Variants in CA7 observed in about 807,000 individuals in gnomAD.
CA7 encodes carbonate dehydratase VII.
A neutral mutation model predicts 31.4 loss-of-function variants in CA7; 13 were observed. The ratio of observed to expected loss-of-function variants is 0.41; its 90% CI spans 0.27 to 0.66. The LOEUF is 0.66. Among genes scored for constraint, CA7 ranks in the 30% least tolerant of loss-of-function variants. The probability of loss-of-function intolerance (pLI) is 0.28; values close to 1 mark genes in which losing one functional copy is unlikely to be tolerated. For synonymous variants in CA7, 128 were observed against 133.2 expected, an observed-to-expected ratio of 0.96 and a Z score of 0.27; for missense variants, 215 against 351.0, an observed-to-expected ratio of 0.61 and a Z score of 3.10.
intron 2 of CA7, among the ~76,000 whole-genome samples, chr16:66,849,047 C>G (rs1960984613): frequency 6.6e-6 from 1 of 152,142 alleles, no homozygotes; most frequent in Admixed American, 6.5e-5. Context: ...AAAGCCCTAC[C>G]CTGGTCACCC....
chr16:66,846,135 C>T (rs1190128261), intron 1 of CA7, among the ~76,000 whole-genome samples: 1 of 151,908 alleles, frequency 6.6e-6, no homozygotes, highest in Admixed American at 6.6e-5. Context: ...GATGGATCCT[C>T]TGGGAGGCAG....
rs778815563 is a variant in CA7 at position 66,851,540 on chromosome 16, G to C, written c.435G>C (p.Val145=). ...EAASAPDGLA[V]VGVFLETGDE... is the part of the protein sequence containing the mutation. ...CCTCAGCACCTGATGGCCTGGCTGT[G>C]GTTGGTGTTTTTTTGGAGGTGAGTG... Residue 145 remains valine (V), a synonymous_variant, in exon 4 of 7, where the codon GTG becomes GTC. Coordinates refer to ENST00000338437, the MANE Select transcript of CA7 (RefSeq NM_005182.3). The C allele has an allele frequency of 6.2e-7, 1 of 1,614,158 alleles. No homozygotes were observed. Among genetic ancestry groups the C allele is most frequent in the Non-Finnish European group, 8.5e-7 (1 of 1,180,012 alleles).
intron 1 of CA7, among the ~76,000 whole-genome samples, chr16:66,846,450 T>A (rs1410604271): frequency 6.6e-6 from 1 of 152,198 alleles, no homozygotes; most frequent in Non-Finnish European, 1.5e-5. Context: ...CTGGGGGCAG[T>A]GCATGCACAT....
intron 2 of CA7, among the ~76,000 whole-genome samples, chr16:66,847,549 ACT>A (rs1317172191): frequency 1.3e-5 from 2 of 151,732 alleles, no homozygotes; most frequent in East Asian, 1.9e-4. Context: ...GTTTGTTTTC[ACT>A]CTCTGCCCCA....
In CA7 at chr16:66,851,558, G is replaced by A; in HGVS notation, c.453G>A (p.Glu151=). 6.2e-7 allele frequency: 1 copy of A among 1,614,058 alleles called. No individual in the cohort carries two copies. ...TGGCTGTGGTTGGTGTTTTTTTGGA[G>A]GTGAGTGGTGGTTTGCTGGGGCCTG... The part of the protein sequence containing the change: ...DGLAVVGVFL[E]TGDEHPSMNR... The change falls in exon 4 of 7, where the codon GAG becomes GAA. Residue 151 remains glutamate, a splice_region_variant and synonymous_variant. Coordinates refer to ENST00000338437, the MANE Select transcript of CA7 (RefSeq NM_005182.3).
At chr16:66,851,382 TG>T in intron 3 of CA7, 80 bp from the exon 4 acceptor site, 1 of 1,129,782 alleles carries the variant, frequency 8.9e-7, no homozygotes, top group Non-Finnish European at 1.4e-6. Context: ...GCCAGGGGTC[TG>T]GTGGGAGTGA....
intron 2 of CA7, among the ~76,000 whole-genome samples, chr16:66,849,916 C>T (rs1013834003): frequency 4.6e-5 from 7 of 152,076 alleles, no homozygotes; most frequent in Admixed American, 6.6e-5. Context: ...GTTGGGAGTT[C>T]GAGGCCAGCC....
Position 66,844,503 on chromosome 16 carries a change from G to C in CA7, c.16G>C (p.Gly6Arg). 6.5e-7 allele frequency: 1 copy of C among 1,543,560 alleles called. No individual in the cohort carries two copies. The highest frequency in any genetic ancestry group is 2.0e-5 in the Admixed American group (1 of 50,566). The change falls in exon 1 of 7, where the codon GGC (glycine) becomes CGC (arginine). Residue 6 changes from glycine (G) to arginine (R), a missense_variant. By Grantham distance (125) the Gly-to-Arg change is moderately radical. Transcript: ENST00000338437. ...CGGCAGCGGCATGACCGGCCACCAC[G>C]GCTGGGGCTACGGCCAGGACGACGG... is the stretch of plus-strand genomic sequence containing the variant. MTGHH[G>R]WGYGQDDGPS...
chr16:66,846,994 G>C, intron 1 of CA7, 36 bp from the exon 2 acceptor site: 2 of 1,596,344 alleles, frequency 1.3e-6, no homozygotes, highest in Non-Finnish European at 1.7e-6. Context: ...AGAGATCCTG[G>C]CTGGCCTGAG....
intron 2 of CA7, among the ~76,000 whole-genome samples, chr16:66,849,591 A>G (rs2145380835): frequency 6.6e-6 from 1 of 152,340 alleles, no homozygotes; most frequent in South Asian, 2.1e-4. Context: ...AGTCTCTTCA[A>G]CCTAGCCCTG....
At position 66,852,586 on chromosome 16, in the gene CA7, GA is replaced by G. The variant is rs111695989; in HGVS notation, c.517-116del. 2,209 of 439,156 alleles carry G rather than the reference GA, an allele frequency of 5.0e-3. 12 individuals carry two copies. The African/African-American group carries it at 0.078, about 16-fold the overall frequency. 27.2% of individuals were successfully genotyped at this position (439,156 alleles called of 1,614,324 possible). On this transcript the variant is annotated intron_variant, in intron 5 of 6. Transcript: ENST00000338437. The stretch of plus-strand genomic sequence containing the variant: ...AGAAAGAAAAAGAAAGAAAAGAAAA[GA>G]AAAAAAAAAGAAAAGAAAAGAAAAA...
At chr16:66,846,386 T>C (rs1960929689) in intron 1 of CA7, among the ~76,000 whole-genome samples, 1 of 152,212 alleles carries the variant, frequency 6.6e-6, no homozygotes, top group African/African-American at 2.4e-5. Flanking sequence ...GAAAGATTAA[T>C]GTGTTCATAG....
At chr16:66,850,463 T>TG in intron 2 of CA7, 78 bp from the exon 3 acceptor site, 4 of 840,736 alleles carry the variant, frequency 4.8e-6, no homozygotes, top group Non-Finnish European at 6.2e-6. Context: ...GTCCCTTTCC[T>TG]GGGCTGCTGC....
rs116420759 is a variant in CA7, at chr16:66,851,513, G to A, written c.408G>A (p.Ala136=). 45 of 1,614,128 alleles carry A rather than the reference G, an allele frequency of 2.8e-5. No individual in the cohort carries two copies. In the African/African-American group the frequency reaches 3.2e-4, roughly 11 times the overall value. ...AGAAGTACAGCACTTTTGGGGAGGC[G>A]GCCTCAGCACCTGATGGCCTGGCTG... ...NAKKYSTFGE[A]ASAPDGLAVV... Residue 136 remains alanine, a synonymous_variant, in exon 4 of 7, where the codon GCG becomes GCA. Transcript: ENST00000338437.
At position 66,844,504 on chromosome 16, in the gene CA7, G is replaced by T; in HGVS notation, c.17G>T (p.Gly6Val). The stretch of plus-strand genomic sequence containing the variant: ...GGCAGCGGCATGACCGGCCACCACG[G>T]CTGGGGCTACGGCCAGGACGACGGT... Reference protein sequence around the residue: MTGHHGWGYGQDDGPS... With the variant: MTGHHVWGYGQDDGPS... The change falls in exon 1 of 7, where the codon GGC becomes GTC. Residue 6 changes from glycine (G) to valine (V), a missense_variant. Coordinates refer to ENST00000338437, the MANE Select transcript of CA7 (RefSeq NM_005182.3). The T allele has an allele frequency of 6.5e-7, 1 of 1,543,486 alleles. No homozygotes were observed. Among genetic ancestry groups the T allele is most frequent in the Non-Finnish European group, 8.7e-7 (1 of 1,144,310 alleles).
In CA7 at chr16:66,853,232, G is replaced by A; in HGVS notation, c.673-144G>A. ...ATGAGGGTCCTGCAGAGAAAAATGA[G>A]TGGGGAAGAGTAGGGACAGACCCTA... On this transcript the variant is annotated intron_variant, in intron 6 of 6. Transcript: ENST00000338437. The surrounding 1 kb of genome is among the most constrained non-coding windows in gnomAD (Gnocchi z 4.5). 2 of 989,344 alleles carry A rather than the reference G, an allele frequency of 2.0e-6. No individual in the cohort carries two copies. Among genetic ancestry groups the A allele is most frequent in the Middle Eastern group, 2.2e-4 (1 of 4,630 alleles). 61.3% of individuals were successfully genotyped at this position (989,344 alleles called of 1,614,324 possible). A position where few individuals can be genotyped will look rare whatever the true frequency, so the allele number is the denominator to read the frequency against.
Position 66,847,217 on chromosome 16 carries a change from T to C in CA7, c.228T>C (p.Asp76=), listed in dbSNP as rs772167245. Residue 76 remains aspartate (D), a synonymous_variant, in exon 2 of 7, where the codon GAT becomes GAC. Coordinates refer to ENST00000338437, the MANE Select transcript of CA7 (RefSeq NM_005182.3). The part of the protein sequence containing the change: ...HSVQVDFNDS[D]DRTVVTGGPL... ...TCCAGGTAGACTTCAATGACAGCGA[T>C]GACCGAACCGGTAAGTGGCCCCTGC... is the stretch of plus-strand genomic sequence containing the variant. 3 of 1,614,196 alleles carry C rather than the reference T, an allele frequency of 1.9e-6. No homozygotes were observed. Among genetic ancestry groups the C allele is most frequent in the Non-Finnish European group, 2.5e-6 (3 of 1,180,020 alleles).
intron 2 of CA7, among the ~76,000 whole-genome samples, chr16:66,847,945 C>T (rs1482552660): frequency 6.6e-6 from 1 of 152,168 alleles, no homozygotes; most frequent in Non-Finnish European, 1.5e-5. Context: ...GGATTTTCGT[C>T]CTTATGACTG....
At chr16:66,848,875 G>A (rs1960980517) in intron 2 of CA7, among the ~76,000 whole-genome samples, 1 of 152,150 alleles carries the variant, frequency 6.6e-6, no homozygotes, top group African/African-American at 2.4e-5. Context: ...AGGCTCAGCC[G>A]CTCCTGCTTC....
Sources: allele counts gnomAD v4.1 joint callset (sites outside exome capture counted in the v4.1 genomes callset), GRCh38; gene constraint gnomAD v4.1.1; non-coding constraint Gnocchi (gnomAD v3.1); transcripts MANE v1.5; gene names NCBI Gene and HGNC (gene_info 2026-07-23, HGNC 2026-07-21).